The following GLIS1 variants were observed in gnomAD, a reference collection of about 807,000 sequenced individuals.
The protein encoded by GLIS1 is GLIS family zinc finger 1.
A neutral mutation model predicts 63.8 loss-of-function variants in GLIS1; 24 were observed. The observed-to-expected ratio is 0.38, with a 90% confidence interval of 0.27 to 0.53. The LOEUF (loss-of-function observed/expected upper bound fraction) is 0.53, where lower values mean the gene tolerates loss of function less well. Ranked by LOEUF, GLIS1 falls within the 20% of genes least tolerant of loss-of-function variation. The pLI is 0.85. For synonymous variants in GLIS1, 450 were observed against 482.5 expected (o/e 0.93, Z 0.88); for missense variants, 1,036 against 1,074.1 (o/e 0.96, Z 0.50).
At chr1:53,608,015 G>C (rs1380582946) in intron 2 of GLIS1, among the ~76,000 whole-genome samples, 1 of 146,874 alleles carries the variant, frequency 6.8e-6, no homozygotes, top group Non-Finnish European at 1.5e-5. Context: ...AGGCTGGAGT[G>C]CAGTGGTGCG....
At chr1:53,675,387 T>C (rs1370346525) in intron 2 of GLIS1, among the ~76,000 whole-genome samples, 2 of 152,150 alleles carry the variant, frequency 1.3e-5, no homozygotes, top group Non-Finnish European at 2.9e-5. Flanking sequence ...CAGGGTCTGA[T>C]GGTGAAGCCT....
At chr1:53,645,531 T>C (rs1645835286) in intron 2 of GLIS1, among the ~76,000 whole-genome samples, 2 of 152,086 alleles carry the variant, frequency 1.3e-5, no homozygotes, top group African/African-American at 4.8e-5. Context: ...CTCTTATCCA[T>C]ACTCAGCAAG....
intron 2 of GLIS1, among the ~76,000 whole-genome samples, chr1:53,737,176 G>A (rs1026274131): frequency 1.3e-5 from 2 of 152,186 alleles, no homozygotes; most frequent in Admixed American, 6.5e-5. Flanking sequence ...CCACCTTCCC[G>A]TGGCCAGCTT....
intron 2 of GLIS1, among the ~76,000 whole-genome samples, chr1:53,632,691 A>T (rs1569954247): frequency 2.3e-5 from 3 of 131,216 alleles, no homozygotes; most frequent in East Asian, 5.2e-4. Context: ...AGTGTGAATG[A>T]GACTGAGGGG....
intron 2 of GLIS1, among the ~76,000 whole-genome samples, chr1:53,676,637 A>G (rs1646215813): frequency 6.6e-6 from 1 of 152,116 alleles, no homozygotes; most frequent in Non-Finnish European, 1.5e-5. Context: ...TGCCACAGAC[A>G]TGTTCCTTAA....
At chr1:53,709,077 T>C (rs1033374905) in intron 2 of GLIS1, among the ~76,000 whole-genome samples, 13 of 152,170 alleles carry the variant, frequency 8.5e-5, no homozygotes, top group African/African-American at 3.1e-4. Flanking sequence ...TATTTGACTT[T>C]GGGTACAGAA....
intron 2 of GLIS1, among the ~76,000 whole-genome samples, chr1:53,655,438 G>A (rs1645954881): frequency 6.6e-6 from 1 of 152,274 alleles, no homozygotes; most frequent in East Asian, 1.9e-4. Context: ...GCCTTGGGGT[G>A]CAAGGAAGTT....
rs962529259 is a variant in GLIS1, at chr1:53,526,988, G to C, written c.1483-2101C>G. ...AGTCTGCCGTGCGGAGCCCCTGCCCGTCTGCACTTGGAGGCCAGCTCTGCT... is the reference window on the plus strand; with the variant it reads ...AGTCTGCCGTGCGGAGCCCCTGCCCCTCTGCACTTGGAGGCCAGCTCTGCT... On this transcript the variant is annotated intron_variant, in intron 5 of 10. Coordinates refer to ENST00000628545, the MANE Select transcript of GLIS1 (RefSeq NM_001367484.1). The surrounding 1 kb of genome is among the most constrained non-coding windows in gnomAD (Gnocchi z 4.4). Among the ~76,000 whole-genome samples, 1 of 152,192 alleles carries C rather than the reference G, an allele frequency of 6.6e-6. No homozygotes were observed. Among genetic ancestry groups the C allele is most frequent in the Non-Finnish European group, 1.5e-5 (1 of 68,040 alleles).
chr1:53,696,473 G>T (rs1646466129), intron 2 of GLIS1, among the ~76,000 whole-genome samples: 1 of 152,202 alleles, frequency 6.6e-6, no homozygotes, highest in Non-Finnish European at 1.5e-5. Context: ...AGACCCATCT[G>T]AAAGATCGAA....
rs538513193 is a variant in GLIS1, at chr1:53,568,345, TG to T, written c.1320+25762del. On this transcript the variant is annotated intron_variant, in intron 4 of 10. Transcript: ENST00000628545. ...TTTACCCAATGCCTGTAGCCCCTAT[TG>T]TATATTGAAAGTAACAAACTTATTT... 3.0e-3 allele frequency among the ~76,000 whole-genome samples: 454 copies of T among 152,356 alleles called. 2 individuals carry two copies. The highest frequency in any genetic ancestry group is 0.011 in the African/African-American group (439 of 41,580).
intron 3 of GLIS1, among the ~76,000 whole-genome samples, chr1:53,599,526 A>G (rs948439330): frequency 1.3e-5 from 2 of 152,254 alleles, no homozygotes; most frequent in Non-Finnish European, 2.9e-5. Flanking sequence ...TTCTTTATAA[A>G]TTACCCAGTG....
chr1:53,640,258 A>G (rs1262582008), intron 2 of GLIS1, among the ~76,000 whole-genome samples: 17 of 152,194 alleles, frequency 1.1e-4, no homozygotes. Flanking sequence ...CGGAGGCTCC[A>G]CAAAGCCCCT....
intron 2 of GLIS1, among the ~76,000 whole-genome samples, chr1:53,633,372 G>A (rs1186245542): frequency 2.7e-5 from 4 of 149,470 alleles, no homozygotes; most frequent in African/African-American, 9.9e-5. Context: ...GTGAATGAGT[G>A]TGACTGAGGG....
chr1:53,706,909 G>A (rs960195229), intron 2 of GLIS1, among the ~76,000 whole-genome samples: 1 of 152,134 alleles, frequency 6.6e-6, no homozygotes, highest in Non-Finnish European at 1.5e-5. Flanking sequence ...CATAGTGCAC[G>A]AAAAGCCCTT....
rs1383232099 is a variant in GLIS1 at position 53,727,351 on chromosome 1, G to A, written c.259+10455C>T. ...AAGCCTGTCCTGGAGTGGAGATCTT[G>A]GGTGTGGACACCAATCACCACCCCA... is the stretch of plus-strand genomic sequence containing the variant. On this transcript the variant is annotated intron_variant, in intron 2 of 10. Transcript: ENST00000628545. 2.7e-5 allele frequency among the ~76,000 whole-genome samples: 4 copies of A among 150,006 alleles called. No homozygotes were observed. The South Asian group carries it at 6.3e-4, about 24-fold the overall frequency.
chr1:53,577,518 G>C lies in GLIS1; in HGVS notation c.1320+16590C>G, dbSNP rs573754635. On this transcript the variant is annotated intron_variant, in intron 4 of 10. Transcript: ENST00000628545. ...TAAGAACTATCACTCCTTGAGTGCG[G>C]GAAGTGAAGTTGTAAATAGGGAACA... 7.9e-5 allele frequency among the ~76,000 whole-genome samples: 12 copies of C among 152,308 alleles called. No homozygotes were observed. In the East Asian group the frequency reaches 2.1e-3, roughly 27 times the overall value.
intron 4 of GLIS1, among the ~76,000 whole-genome samples, chr1:53,532,074 A>G (rs481452): frequency 0.91 from 138,412 of 152,218 alleles, 63,036 homozygotes; most frequent in East Asian, 0.99. Flanking sequence ...AGGGAGCTCA[A>G]AGGCCAGATA....
At chr1:53,548,393 G>C (rs973711299) in intron 4 of GLIS1, among the ~76,000 whole-genome samples, 1 of 152,226 alleles carries the variant, frequency 6.6e-6, no homozygotes, top group Non-Finnish European at 1.5e-5. Context: ...AGGGGCTCTC[G>C]GGGCAGGAAC....
At chr1:53,663,565 C>A (rs1646053477) in intron 2 of GLIS1, among the ~76,000 whole-genome samples, 1 of 152,254 alleles carries the variant, frequency 6.6e-6, no homozygotes, top group Non-Finnish European at 1.5e-5. Flanking sequence ...CCAAGCTGGG[C>A]TCCGTGACCC....
Sources: allele counts gnomAD v4.1 joint callset (sites outside exome capture counted in the v4.1 genomes callset), GRCh38; gene constraint gnomAD v4.1.1; non-coding constraint Gnocchi (gnomAD v3.1); transcripts MANE v1.5; gene names NCBI Gene and HGNC (gene_info 2026-07-23, HGNC 2026-07-21).